The following COX15 variants were observed in gnomAD, a reference collection of about 807,000 sequenced individuals.
COX15 encodes cytochrome c oxidase assembly factor COX15.
Under a neutral mutation model 51.9 loss-of-function variants are expected in COX15, and 51 were observed. The observed-to-expected ratio is 0.98, with a 90% CI of 0.78 to 1.24. The LOEUF (loss-of-function observed/expected upper bound fraction) is 1.24. Ranked by LOEUF, COX15 falls within the 50% of genes most tolerant of loss-of-function variation. COX15 has a pLI of 0.00. For missense variants in COX15, 420 were observed against 501.1 expected (o/e 0.84, Z 1.55); for synonymous variants, 188 against 190.5 (o/e 0.99, Z 0.11).
At chr10:99,731,423 A>G (rs960198623) in intron 1 of COX15, among the ~76,000 whole-genome samples, 2 of 152,214 alleles carry the variant, frequency 1.3e-5, no homozygotes, top group Non-Finnish European at 2.9e-5. Context: ...AATATATAAT[A>G]ACCACTCAAT....
chr10:99,727,618 A>C, intron 2 of COX15, 55 bp from the exon 3 acceptor site: 1 of 1,595,092 alleles, frequency 6.3e-7, no homozygotes, highest in Non-Finnish European at 8.6e-7. Flanking sequence ...TTACTCACAA[A>C]AGGTTTATAG....
the COX15 span, chr10:99,695,839 C>A: frequency 1.1e-6 from 1 of 929,016 alleles, no homozygotes; most frequent in Non-Finnish European, 1.6e-6. Context: ...TGAAAGAATG[C>A]TTAAGATGTT....
chr10:99,728,388 T>C (rs899425501), intron 2 of COX15, among the ~76,000 whole-genome samples: 3 of 152,226 alleles, frequency 2.0e-5, no homozygotes, highest in African/African-American at 7.2e-5. Context: ...CCTTTATTTG[T>C]TGCCTTTGGA....
rs553504659 is a variant in COX15 at position 99,711,577 on chromosome 10, C to T, written c.*3010G>A. ...GGCTATTAGGACCTAAGCCAGTGGT[C>T]CCTAGACTTGTCTGCACATTGGAAT... On this transcript the variant is annotated 3_prime_UTR_variant, in exon 9 of 9. Transcript: ENST00000016171. 4.2e-5 allele frequency: 41 copies of T among 985,356 alleles called. No individual in the cohort carries two copies. The South Asian group carries it at 1.7e-3, about 42-fold the overall frequency. The allele number at this position is 985,356 out of a possible 1,614,324, so 61.0% of individuals were successfully genotyped here. A position where few individuals can be genotyped will look rare whatever the true frequency, so the allele number is the denominator to read the frequency against.
downstream of COX15, among the ~76,000 whole-genome samples, chr10:99,707,887 A>C (rs180982477): frequency 4.6e-5 from 7 of 152,324 alleles, no homozygotes; most frequent in Admixed American, 4.6e-4. Context: ...GAATTTCCTT[A>C]ATCTGGGAAA....
Position 99,713,563 on chromosome 10 carries a change from CCAT to C in COX15, c.*1021_*1023del. ...TCTGGGTAGATGTCCATGCACTACA[CCAT>C]CAAGGCCATATTTTTCTTATTACAA... is the stretch of plus-strand genomic sequence containing the variant. On this transcript the variant is annotated 3_prime_UTR_variant, in exon 9 of 9. Transcript: ENST00000016171. 1 of 1,538,240 alleles carries C rather than the reference CCAT, an allele frequency of 6.5e-7. No individual in the cohort carries two copies. Among genetic ancestry groups the C allele is most frequent in the African/African-American group, 1.4e-5 (1 of 72,910 alleles).
intron 6 of COX15, among the ~76,000 whole-genome samples, chr10:99,719,613 C>CCTGAGTAG (rs942164886): frequency 2.0e-5 from 3 of 152,080 alleles, no homozygotes; most frequent in Non-Finnish European, 2.9e-5. Flanking sequence ...GCCTCAGCCC[C>CCTGAGTAG]CTGAGTAGCT....
At chr10:99,700,960 G>C in the COX15 span, 2 of 1,611,980 alleles carry the variant, frequency 1.2e-6, no homozygotes, top group Non-Finnish European at 1.7e-6. Context: ...CTATTTCTCT[G>C]TGGTTGATCC....
At position 99,712,687 on chromosome 10, in the gene COX15, G is replaced by T; in HGVS notation, c.*1900C>A. 1 of 872,296 alleles carries T rather than the reference G, an allele frequency of 1.1e-6. No homozygotes were observed. Among genetic ancestry groups the T allele is most frequent in the Non-Finnish European group, 1.4e-6 (1 of 726,940 alleles). 54.0% of individuals were successfully genotyped at this position (872,296 alleles called of 1,614,324 possible). On this transcript the variant is annotated 3_prime_UTR_variant, in exon 9 of 9. Coordinates refer to ENST00000016171, the MANE Select transcript of COX15 (RefSeq NM_078470.6). ...ACAACCCTGGACCTGTAGAGTGGCAGCAACAGACCAGAACTCAGCAGTATA... is the reference window on the plus strand; with the variant it reads ...ACAACCCTGGACCTGTAGAGTGGCATCAACAGACCAGAACTCAGCAGTATA...
At chr10:99,704,343 A>T in the COX15 span, 1 of 1,068,914 alleles carries the variant, frequency 9.4e-7, no homozygotes, top group Non-Finnish European at 1.4e-6. Flanking sequence ...TAAAATGTTT[A>T]TGTGGATGGA....
chr10:99,720,255 G>A (rs2036717330), intron 6 of COX15, among the ~76,000 whole-genome samples: 2 of 152,108 alleles, frequency 1.3e-5, no homozygotes, highest in African/African-American at 4.8e-5. Context: ...GGCCAGCCTG[G>A]CCAACATGGT....
At chr10:99,709,699 C>T (rs758489124), downstream of COX15, 206 of 985,288 alleles carry the variant, frequency 2.1e-4, no homozygotes, top group Non-Finnish European at 2.5e-4. Flanking sequence ...TCTGTTTCTG[C>T]AGATGGCTTG....
In COX15 at chr10:99,729,690, G is replaced by A. The variant is rs373219878; in HGVS notation, c.135C>T (p.Thr45=). The A allele has an allele frequency of 8.4e-5, 135 of 1,614,040 alleles. No individual in the cohort carries two copies. Among genetic ancestry groups the A allele is most frequent in the Non-Finnish European group, 9.2e-5 (109 of 1,180,044 alleles). ...CAGATTGCAAAGCTACTTCAGAGATGGTGCTGTATTGCCCTGGCCTCAAAG... is the reference window on the plus strand; with the variant it reads ...CAGATTGCAAAGCTACTTCAGAGATAGTGCTGTATTGCCCTGGCCTCAAAG... ...RRPLRPGQYS[T]ISEVALQSGR... is the part of the protein sequence containing the mutation. Residue 45 remains threonine, a synonymous_variant, in exon 2 of 9, where the codon ACC becomes ACT. Coordinates refer to ENST00000016171, the MANE Select transcript of COX15 (RefSeq NM_078470.6).
chr10:99,724,329 C>T (rs1001599160), intron 4 of COX15, among the ~76,000 whole-genome samples: 4 of 152,066 alleles, frequency 2.6e-5, no homozygotes, highest in Admixed American at 2.0e-4. Context: ...ACTACAGTTG[C>T]GCATCACCAC....
intron 8 of COX15, among the ~76,000 whole-genome samples, chr10:99,715,658 T>C (rs886696699): frequency 3.3e-5 from 5 of 151,170 alleles, no homozygotes; most frequent in South Asian, 2.1e-4. Context: ...AAAAAAAAGA[T>C]ATTGCCAAAT....
At chr10:99,700,652 T>A in the COX15 span, among the ~76,000 whole-genome samples, 2 of 152,228 alleles carry the variant, frequency 1.3e-5, no homozygotes, top group Admixed American at 6.5e-5. Flanking sequence ...CCATCTGCTC[T>A]CCCTGCTCAT....
Position 99,711,763 on chromosome 10 carries a change from A to G in COX15, c.*2824T>C, listed in dbSNP as rs2036396858. The G allele has an allele frequency of 1.0e-6, 1 of 985,358 alleles. No homozygotes were observed. The highest frequency in any genetic ancestry group is 6.1e-5 in the Admixed American group (1 of 16,266). The allele number at this position is 985,358 out of a possible 1,614,324, so 61.0% of individuals were successfully genotyped here. On this transcript the variant is annotated 3_prime_UTR_variant, in exon 9 of 9. Coordinates refer to ENST00000016171, the MANE Select transcript of COX15 (RefSeq NM_078470.6). ...AGCATAAGCCCAGCCAGGGTCCAGC[A>G]TTTATGAAAAATTGACAAACTGTTT... is the stretch of plus-strand genomic sequence containing the variant.
the COX15 span, among the ~76,000 whole-genome samples, chr10:99,701,362 A>G: frequency 6.6e-6 from 1 of 150,658 alleles, no homozygotes; most frequent in South Asian, 2.1e-4. Context: ...ATCTTAGCTC[A>G]CTGCAACCTC....
downstream of COX15, chr10:99,710,092 CTCT>C (rs1003713507): frequency 4.1e-6 from 4 of 985,278 alleles, no homozygotes; most frequent in African/African-American, 1.7e-5. Context: ...GCTCCTGAGC[CTCT>C]TCTTTTAAAG....
Sources: allele counts gnomAD v4.1 joint callset (sites outside exome capture counted in the v4.1 genomes callset), GRCh38; gene constraint gnomAD v4.1.1; transcripts MANE v1.5; gene names NCBI Gene and HGNC (gene_info 2026-07-23, HGNC 2026-07-21).